Variants in PIEZO2 observed in about 807,000 individuals in gnomAD.
PIEZO2 encodes the protein piezo type mechanosensitive ion channel component 2, also known as piezo-type mechanosensitive ion channel component 2.
In PIEZO2, 172 loss-of-function variants were observed where a neutral mutation model predicts 337.3. The observed-to-expected ratio is 0.51, with a 90% CI of 0.45 to 0.58. PIEZO2 has a LOEUF of 0.58. Ranked by LOEUF, PIEZO2 falls within the 20% of genes least tolerant of loss-of-function variation. The pLI is 0.00. For synonymous variants in PIEZO2, 1,251 were observed against 1,228.5 expected (o/e 1.02, Z -0.38); for missense variants, 3,028 against 3,391.3 (o/e 0.89, Z 2.66).
At chr18:10,694,186 T>G (rs1239422396) in intron 47 of PIEZO2, among the ~76,000 whole-genome samples, 1 of 151,592 alleles carries the variant, frequency 6.6e-6, no homozygotes, top group Non-Finnish European at 1.5e-5. Flanking sequence ...TAATTAGAAT[T>G]TATTTTTAAT....
At chr18:10,977,387 A>G (rs2034484828) in intron 3 of PIEZO2, among the ~76,000 whole-genome samples, 1 of 151,954 alleles carries the variant, frequency 6.6e-6, no homozygotes, top group East Asian at 1.9e-4. Flanking sequence ...AATGATGAAG[A>G]ACTCATCATT....
intron 2 of PIEZO2, among the ~76,000 whole-genome samples, chr18:11,041,795 A>G (rs888408823): frequency 1.3e-5 from 2 of 152,242 alleles, no homozygotes; most frequent in African/African-American, 4.8e-5. Flanking sequence ...GAACCTACTT[A>G]CTACCTCTTT....
rs1288576667 is a variant in PIEZO2 at position 10,726,518 on chromosome 18, C to CGCGCT, written c.5029+4884_5029+4888dup. 569 of 1,479,120 alleles carry CGCGCT rather than the reference C, an allele frequency of 3.8e-4. 1 individual carries two copies. The highest frequency in any genetic ancestry group is 5.2e-4 in the Admixed American group (23 of 44,646). 91.6% of individuals were successfully genotyped at this position (1,479,120 alleles called of 1,614,324 possible). A position where few individuals can be genotyped will look rare whatever the true frequency, so the allele number is the denominator to read the frequency against. On this transcript the variant is annotated intron_variant, in intron 36 of 55. Transcript: ENST00000674853. This position sits in a 1 kb window ranked among gnomAD's most constrained non-coding sequence, Gnocchi z 5.9. ...GCTCCGCAAGCAGCCGTTCCTGTGG[C>CGCGCT]GCGCTGCGCTGCTCTGCTCTGCTAC...
At position 11,097,167 on chromosome 18, in the gene PIEZO2, C is replaced by T. The variant is rs1039202500; in HGVS notation, c.65-30945G>A. Reference sequence around the variant, plus strand: ...CAAACTACATCCCTCCGGCTAAATCCCGCCCCACAAACTAAGAATGCTTTT... The same window carrying T: ...CAAACTACATCCCTCCGGCTAAATCTCGCCCCACAAACTAAGAATGCTTTT... On this transcript the variant is annotated intron_variant, in intron 1 of 55. Transcript: ENST00000674853. This position sits in a 1 kb window ranked among gnomAD's most constrained non-coding sequence, Gnocchi z 5.0. Among the ~76,000 whole-genome samples the T allele has an allele frequency of 6.6e-6, 1 of 152,056 alleles. No individual in the cohort carries two copies. The highest frequency in any genetic ancestry group is 1.5e-5 in the Non-Finnish European group (1 of 68,016).
chr18:11,115,994 G>A (rs2039878357), intron 1 of PIEZO2, among the ~76,000 whole-genome samples: 1 of 152,138 alleles, frequency 6.6e-6, no homozygotes, highest in South Asian at 2.1e-4. Flanking sequence ...ATAGTTTTAA[G>A]TTTTAACTGG....
intron 38 of PIEZO2, 75 bp downstream of exon 38, chr18:10,715,575 T>C: frequency 7.4e-7 from 1 of 1,342,752 alleles, no homozygotes; most frequent in South Asian, 1.7e-5. Context: ...TTATCCTACC[T>C]GGAGTTTTGG....
intron 2 of PIEZO2, among the ~76,000 whole-genome samples, chr18:11,014,983 A>C (rs1389996337): frequency 7.9e-6 from 1 of 126,802 alleles, no homozygotes; most frequent in Non-Finnish European, 1.6e-5. Flanking sequence ...ACAGCAATCC[A>C]GGGCCCCCTC....
chr18:10,994,070 A>G (rs1282601153), intron 2 of PIEZO2, among the ~76,000 whole-genome samples: 1 of 152,072 alleles, frequency 6.6e-6, no homozygotes, highest in Non-Finnish European at 1.5e-5. Context: ...TGCATCTTAC[A>G]GTTTAGCTTC....
intron 4 of PIEZO2, among the ~76,000 whole-genome samples, chr18:10,905,349 G>A (rs866066999): frequency 6.6e-6 from 1 of 152,038 alleles, no homozygotes; most frequent in Non-Finnish European, 1.5e-5. Flanking sequence ...TTTGGGAGGC[G>A]GAGGTGGGTG....
chr18:11,050,412 G>T (rs118070309), intron 2 of PIEZO2, among the ~76,000 whole-genome samples: 2 of 151,882 alleles, frequency 1.3e-5, no homozygotes, highest in African/African-American at 2.4e-5. Flanking sequence ...GTTACAGATC[G>T]CACTGCCTCT....
intron 2 of PIEZO2, among the ~76,000 whole-genome samples, chr18:10,997,834 GAT>G (rs371178356): frequency 6.0e-4 from 78 of 130,876 alleles, no homozygotes; most frequent in African/African-American, 1.5e-3. Flanking sequence ...AGAGCAGAAA[GAT>G]TGGTTCAGAA....
chr18:11,051,062 G>C (rs1314604155), intron 2 of PIEZO2, among the ~76,000 whole-genome samples: 1 of 152,072 alleles, frequency 6.6e-6, no homozygotes, highest in East Asian at 1.9e-4. Context: ...CCATTTTATG[G>C]GCCTCAGCAA....
chr18:11,055,210 CAAAAA>C (rs11390110), intron 2 of PIEZO2, among the ~76,000 whole-genome samples: 2 of 79,848 alleles, frequency 2.5e-5, no homozygotes, highest in African/African-American at 5.2e-5. Context: ...GACTCTGTCT[CAAAAA>C]AAAAAAAAAA....
chr18:10,845,241 T>A (rs536160207), intron 7 of PIEZO2, among the ~76,000 whole-genome samples: 40 of 152,144 alleles, frequency 2.6e-4, no homozygotes, highest in African/African-American at 9.4e-4. Flanking sequence ...ACTTCAACTA[T>A]GTTTAAGGAA....
At chr18:10,838,877 G>A (rs890735916) in intron 7 of PIEZO2, among the ~76,000 whole-genome samples, 2 of 152,150 alleles carry the variant, frequency 1.3e-5, no homozygotes, top group Non-Finnish European at 2.9e-5. Context: ...ACGTAAGCCA[G>A]GCAACCTCCC....
At position 10,705,467 on chromosome 18, in the gene PIEZO2, G is replaced by A. The variant is rs759639739; in HGVS notation, c.5868C>T (p.Gly1956=). Residue 1956 remains glycine (G), a synonymous_variant, in exon 41 of 56, where the codon GGC becomes GGT. Transcript: ENST00000674853. Reference sequence around the variant, plus strand: ...TCTTGCCTGCAGAGTCGTCCTGCGAGCCGAAGGACAGATGCTCGAAGCTCA... The same window carrying A: ...TCTTGCCTGCAGAGTCGTCCTGCGAACCGAAGGACAGATGCTCGAAGCTCA... ...KAVSFEHLSF[G]SQDDSAGKNR... is the part of the protein sequence containing the mutation. 9.8e-6 allele frequency: 15 copies of A among 1,537,166 alleles called. No homozygotes were observed. Among genetic ancestry groups the A allele is most frequent in the African/African-American group, 6.8e-5 (5 of 73,060 alleles).
At chr18:10,715,603 C>A in intron 38 of PIEZO2, 47 bp downstream of exon 38, 1 of 1,449,558 alleles carries the variant, frequency 6.9e-7, no homozygotes, top group African/African-American at 1.4e-5. Context: ...CTTTTAATGT[C>A]TTCTTAATGT....
At chr18:11,044,120 T>G (rs992612185) in intron 2 of PIEZO2, among the ~76,000 whole-genome samples, 2 of 151,166 alleles carry the variant, frequency 1.3e-5, no homozygotes, top group Admixed American at 1.3e-4. Context: ...TAAAAAAATT[T>G]TGAGGAAAAT....
In PIEZO2 at chr18:10,935,784, A is replaced by G. The variant is rs539863701; in HGVS notation, c.287-24556T>C. Among the ~76,000 whole-genome samples the G allele has an allele frequency of 3.3e-5, 5 of 152,280 alleles. No individual in the cohort carries two copies. In the South Asian group the frequency reaches 1.0e-3, roughly 32 times the overall value. On this transcript the variant is annotated intron_variant, in intron 3 of 55. Transcript: ENST00000674853. ...CACTCCACCTTCTCTCATCTGCAGC[A>G]TGACCACGGCCCCTGCTCCTGCCTC...
Sources: gnomAD v4.1 joint callset for allele counts (sites outside exome capture counted in the v4.1 genomes callset) on GRCh38, gnomAD v4.1.1 for gene constraint, Gnocchi (gnomAD v3.1) non-coding constraint, MANE v1.5 for transcripts, NCBI Gene and HGNC (gene_info 2026-07-23, HGNC 2026-07-21) for gene names.